The following TSPAN1 variants were observed in gnomAD, a reference collection of about 807,000 sequenced individuals.
TSPAN1 encodes tetraspanin 1.
A neutral mutation model predicts 26.9 loss-of-function variants in TSPAN1; 23 were observed. The observed-to-expected ratio is 0.85, with a 90% confidence interval of 0.62 to 1.21. The LOEUF (loss-of-function observed/expected upper bound fraction) is 1.21. Ranked by LOEUF, TSPAN1 falls within the 50% of genes most tolerant of loss-of-function variation. The probability of loss-of-function intolerance (pLI) is 0.00; values close to 1 mark genes in which losing one functional copy is unlikely to be tolerated. For missense variants in TSPAN1, 283 were observed against 298.4 expected (o/e 0.95, Z 0.38); for synonymous variants, 115 against 114.8 (o/e 1.00, Z -0.01).
the TSPAN1 span, chr1:46,193,328 T>C: frequency 1.2e-6 from 2 of 1,613,778 alleles, no homozygotes; most frequent in Non-Finnish European, 1.7e-6. Flanking sequence ...GCATTCTTGA[T>C]GCTGATGGGA....
the TSPAN1 span, chr1:46,194,125 C>T: frequency 6.5e-7 from 1 of 1,542,406 alleles, no homozygotes; most frequent in Admixed American, 2.0e-5. Context: ...GCCCCTTCAC[C>T]CCAGCCCTGT....
the TSPAN1 span, chr1:46,194,362 C>G: frequency 1.2e-6 from 2 of 1,614,194 alleles, no homozygotes; most frequent in African/African-American, 2.7e-5. Flanking sequence ...GCGCCGGCGG[C>G]GACGGTTCAG....
chr1:46,187,888 G>A (rs1657471541), downstream of TSPAN1, among the ~76,000 whole-genome samples: 1 of 152,214 alleles, frequency 6.6e-6, no homozygotes, highest in South Asian at 2.1e-4. Flanking sequence ...CAGAGAGCAG[G>A]CAGGAGGGCT....
At chr1:46,177,996 A>G (rs1255368819) in intron 1 of TSPAN1, among the ~76,000 whole-genome samples, 1 of 152,202 alleles carries the variant, frequency 6.6e-6, no homozygotes, top group Non-Finnish European at 1.5e-5. Context: ...GTTCACTGAC[A>G]ACTTCTTATG....
intron 1 of TSPAN1, among the ~76,000 whole-genome samples, chr1:46,179,568 GT>G (rs891013692): frequency 6.6e-6 from 1 of 152,134 alleles, no homozygotes; most frequent in Non-Finnish European, 1.5e-5. Context: ...CCAGCACCTG[GT>G]CTGAATGACC....
At position 46,184,051 on chromosome 1, in the gene TSPAN1, C is replaced by G. The variant is rs533044857; in HGVS notation, c.58-140C>G. On this transcript the variant is annotated intron_variant, in intron 3 of 8. Coordinates refer to ENST00000372003, the MANE Select transcript of TSPAN1 (RefSeq NM_005727.4). ...ATTTTTCTGGCTCTAGAGGATGTTT[C>G]CCTCCTTACAGGATGAGGTTTTAGA... The G allele has an allele frequency of 1.2e-4, 102 of 855,154 alleles. No homozygotes were observed. In the African/African-American group the frequency reaches 1.6e-3, roughly 14 times the overall value. 53.0% of individuals were successfully genotyped at this position (855,154 alleles called of 1,614,324 possible).
rs1051986930 is a variant in TSPAN1 at position 46,184,105 on chromosome 1, T to C, written c.58-86T>C. The C allele has an allele frequency of 2.1e-6, 3 of 1,437,704 alleles. No individual in the cohort carries two copies. In the African/African-American group the frequency reaches 4.2e-5, roughly 20 times the overall value. 89.1% of individuals were successfully genotyped at this position (1,437,704 alleles called of 1,614,324 possible). ...CCTAGCCAATAAAGAGGGAAGTTTC[T>C]CGGCTCCCATCCTTCTTACTCAGCT... On this transcript the variant is annotated intron_variant, in intron 3 of 8. Transcript: ENST00000372003.
the TSPAN1 span, chr1:46,192,012 T>C: frequency 3.3e-6 from 5 of 1,496,532 alleles, no homozygotes; most frequent in Admixed American, 3.7e-5. Flanking sequence ...GGCTAGCAAG[T>C]AGCAGAGCTA....
At chr1:46,179,800 G>A (rs1325153061) in intron 1 of TSPAN1, among the ~76,000 whole-genome samples, 1 of 152,142 alleles carries the variant, frequency 6.6e-6, no homozygotes, top group Non-Finnish European at 1.5e-5. Flanking sequence ...AGATGGGGAA[G>A]GAGAGGAGAT....
chr1:46,190,206 G>A (rs985337594), downstream of TSPAN1: 14 of 648,238 alleles, frequency 2.2e-5, no homozygotes, highest in Non-Finnish European at 3.1e-5. Flanking sequence ...CACCACGCCC[G>A]GCTAATTTTT....
At chr1:46,194,489 C>T in the TSPAN1 span, 6 of 1,614,140 alleles carry the variant, frequency 3.7e-6, no homozygotes, top group Non-Finnish European at 5.1e-6. Context: ...TAAAGCTCCA[C>T]AGAGAGATCT....
intron 3 of TSPAN1, 26 bp downstream of exon 3, chr1:46,181,190 T>C: frequency 6.2e-7 from 1 of 1,605,442 alleles, no homozygotes; most frequent in Non-Finnish European, 8.5e-7. Context: ...GTGGACTCTT[T>C]GGGGCTCCCT....
chr1:46,192,161 G>T, the TSPAN1 span: 65 of 1,614,002 alleles, frequency 4.0e-5, no homozygotes, highest in Non-Finnish European at 5.1e-5. Flanking sequence ...AAACGTCAGG[G>T]ATGATGCACT....
chr1:46,194,031 A>G, the TSPAN1 span: 1 of 1,568,442 alleles, frequency 6.4e-7, no homozygotes, highest in Admixed American at 1.9e-5. Flanking sequence ...TGGAGTAGAC[A>G]GGGAAGGGAT....
downstream of TSPAN1, chr1:46,189,457 C>T (rs386834024): frequency 1.4e-5 from 22 of 1,613,486 alleles, no homozygotes; most frequent in South Asian, 2.2e-5. Context: ...GGGTCACTCA[C>T]GAGTAGGGGG....
the TSPAN1 span, chr1:46,191,999 C>T: frequency 6.8e-7 from 1 of 1,475,838 alleles, no homozygotes; most frequent in African/African-American, 1.4e-5. Context: ...CCCAAGGTTA[C>T]ATGGCTAGCA....
the TSPAN1 span, chr1:46,191,814 T>G: frequency 1.1e-5 from 4 of 376,866 alleles, no homozygotes; most frequent in Non-Finnish European, 2.0e-5. Context: ...TTTTGTATTT[T>G]TAGTAGAGAT....
chr1:46,190,518 C>T (rs770219373), downstream of TSPAN1: 3 of 1,604,814 alleles, frequency 1.9e-6, no homozygotes, highest in Non-Finnish European at 2.6e-6. Flanking sequence ...TTTCTTCAGA[C>T]TGAAGAGGAG....
the TSPAN1 span, chr1:46,192,766 C>T: frequency 6.3e-7 from 1 of 1,581,666 alleles, no homozygotes; most frequent in Non-Finnish European, 8.7e-7. Flanking sequence ...GCCCCAACAC[C>T]TGCCATCCTA....
Sources: allele counts gnomAD v4.1 joint callset (sites outside exome capture counted in the v4.1 genomes callset), GRCh38; gene constraint gnomAD v4.1.1; transcripts MANE v1.5; gene names NCBI Gene and HGNC (gene_info 2026-07-23, HGNC 2026-07-21).